Variants in ERCC5 observed in about 807,000 individuals in gnomAD.
The protein encoded by ERCC5 is DNA excision repair protein ERCC-5.
ERCC5 carries 68 observed loss-of-function variants against 105.6 expected under a neutral mutation model. The observed-to-expected ratio is 0.64, with a 90% CI of 0.53 to 0.79. ERCC5 has a LOEUF of 0.79. Among genes scored for constraint, ERCC5 ranks in the 30% least tolerant of loss-of-function variants. The probability of loss-of-function intolerance (pLI) is 0.00; values close to 1 mark genes in which losing one functional copy is unlikely to be tolerated. For missense variants in ERCC5, 1,373 were observed against 1,426.7 expected (o/e 0.96, Z 0.61); for synonymous variants, 546 against 526.2 (o/e 1.04, Z -0.51).
chr13:102,860,577 G>A (rs1323699), intron 6 of ERCC5, among the ~76,000 whole-genome samples: 151,993 of 152,296 alleles, frequency 1, 75,846 homozygotes, highest in Middle Eastern at 1. Context: ...AGAATCAATT[G>A]TAGTAAATTG....
chr13:102,864,806 T>C (rs1160728197), intron 8 of ERCC5: 1 of 152,194 alleles, frequency 6.6e-6, no homozygotes, highest in African/African-American at 2.4e-5. Flanking sequence ...AGTATATTTA[T>C]GTATACATAT....
chr13:102,868,362 A>C, intron 12 of ERCC5, 105 bp downstream of exon 12: 6 of 1,432,206 alleles, frequency 4.2e-6, no homozygotes, highest in Non-Finnish European at 4.9e-6. Flanking sequence ...CATGTGAACA[A>C]TGGTTCACTG....
chr13:102,864,049 A>G (rs1323104484), intron 8 of ERCC5, among the ~76,000 whole-genome samples: 1 of 151,734 alleles, frequency 6.6e-6, no homozygotes, highest in Non-Finnish European at 1.5e-5. Context: ...TATGTTTAGG[A>G]GCAATGACTC....
chr13:102,866,506 G>T lies in ERCC5; in HGVS notation c.2319+125G>T, dbSNP rs1157807903. ...GGCCTGGTGATGCCGTTCCCTGGGG[G>T]TCACTGTGTGTCCCTAACTCTGCAG... is the stretch of plus-strand genomic sequence containing the variant. On this transcript the variant is annotated intron_variant, in intron 10 of 14. Coordinates refer to ENST00000652225, the MANE Select transcript of ERCC5 (RefSeq NM_000123.4). The T allele has an allele frequency of 3.7e-6, 6 of 1,600,612 alleles. No homozygotes were observed. In the East Asian group the frequency reaches 1.3e-4, roughly 36 times the overall value.
At position 102,862,785 on chromosome 13, in the gene ERCC5, C is replaced by G; in HGVS notation, c.1636C>G (p.Gln546Glu). The change falls in exon 8 of 15, where the codon CAG becomes GAG. Residue 546 changes from glutamine (Q) to glutamate (E), a missense_variant. This residue lies in a region of ERCC5 where 1,004 missense variants were observed against 1,059.7 expected (regional missense o/e 0.95). Transcript: ENST00000652225. ...NETHAEVLEQ[Q>E]NELCPYESKF... is the part of the protein sequence containing the mutation. The stretch of plus-strand genomic sequence containing the variant: ...AACACATGCTGAAGTGCTTGAGCAG[C>G]AGAACGAACTTTGCCCATATGAGAG... 1 of 1,614,190 alleles carries G rather than the reference C, an allele frequency of 6.2e-7. No individual in the cohort carries two copies. The highest frequency in any genetic ancestry group is 8.5e-7 in the Non-Finnish European group (1 of 1,180,024).
intron 12 of ERCC5, among the ~76,000 whole-genome samples, chr13:102,870,544 G>T (rs1882998773): frequency 6.6e-6 from 1 of 152,082 alleles, no homozygotes; most frequent in South Asian, 2.1e-4. Context: ...GGCTTGATGA[G>T]CTCACAAGTG....
In ERCC5 at chr13:102,846,072, C is replaced by G; in HGVS notation, c.-195C>G. 3.4e-6 allele frequency: 2 copies of G among 592,786 alleles called. No individual in the cohort carries two copies. Among genetic ancestry groups the G allele is most frequent in the Admixed American group, 3.0e-5 (1 of 33,742 alleles). 36.7% of individuals were successfully genotyped at this position (592,786 alleles called of 1,614,324 possible). ...GACAGCTGCTGAGACGTGTTGCAGC[C>G]AGAGTCTCTCCGCTTTAATGCGCTC... On this transcript the variant is annotated 5_prime_UTR_variant, in exon 1 of 15. Coordinates refer to ENST00000652225, the MANE Select transcript of ERCC5 (RefSeq NM_000123.4).
At position 102,863,071 on chromosome 13, in the gene ERCC5, T is replaced by C. The variant is rs1317558277; in HGVS notation, c.1922T>C (p.Met641Thr). 5.0e-6 allele frequency: 8 copies of C among 1,613,966 alleles called. No homozygotes were observed. Among genetic ancestry groups the C allele is most frequent in the Non-Finnish European group, 6.8e-6 (8 of 1,180,044 alleles). Reference sequence around the variant, plus strand: ...TCCATTCCAAAGGCCGTGGAACCAATGGAAATTGACTCGGAAGAAAGTGAA... The same window carrying C: ...TCCATTCCAAAGGCCGTGGAACCAACGGAAATTGACTCGGAAGAAAGTGAA... ...LISIPKAVEP[M>T]EIDSEESESD... The change falls in exon 8 of 15, where the codon ATG becomes ACG. Residue 641 changes from methionine to threonine, a missense_variant. Around this residue, in one of 3 missense-constraint regions of ERCC5, gnomAD observed 1,004 missense variants for 1,059.7 expected, o/e 0.95. Transcript: ENST00000652225.
At chr13:102,869,867 A>G (rs1195369028) in intron 12 of ERCC5, among the ~76,000 whole-genome samples, 1 of 152,172 alleles carries the variant, frequency 6.6e-6, no homozygotes, top group Non-Finnish European at 1.5e-5. Flanking sequence ...GATTTAGTGA[A>G]TGACCTGTTT....
At chr13:102,855,472 A>G (rs1407074933) in intron 4 of ERCC5, among the ~76,000 whole-genome samples, 1 of 152,098 alleles carries the variant, frequency 6.6e-6, no homozygotes, top group Non-Finnish European at 1.5e-5. Flanking sequence ...GCTGGTCTCG[A>G]ACTCCTGACC....
intron 5 of ERCC5, among the ~76,000 whole-genome samples, chr13:102,858,021 G>A (rs13379027): frequency 2.6e-5 from 4 of 152,150 alleles, no homozygotes; most frequent in East Asian, 1.9e-4. Flanking sequence ...TTAGCACCTA[G>A]AACAGTGCCT....
chr13:102,872,766 G>A (rs1340727636), intron 13 of ERCC5, among the ~76,000 whole-genome samples: 1 of 152,182 alleles, frequency 6.6e-6, no homozygotes, highest in Non-Finnish European at 1.5e-5. Flanking sequence ...TGAATAAGCA[G>A]TGATAAGCAT....
At chr13:102,846,742 TTTTA>T (rs142867755) in intron 1 of ERCC5, among the ~76,000 whole-genome samples, 3,770 of 152,326 alleles carry the variant, frequency 0.025, 166 homozygotes, top group African/African-American at 0.086. Flanking sequence ...TATTGGTATG[TTTTA>T]TTTATTTATT....
At chr13:102,861,973 A>G (rs944962381) in intron 7 of ERCC5, 57 bp from the exon 8 acceptor site, 2 of 1,595,560 alleles carry the variant, frequency 1.3e-6, no homozygotes, top group African/African-American at 2.7e-5. Context: ...ATCTTACTAG[A>G]AGCGTATTGT....
In ERCC5 at chr13:102,852,120, A is replaced by G. The variant is rs1452267228; in HGVS notation, c.91A>G (p.Ile31Val). The G allele has an allele frequency of 6.2e-7, 1 of 1,613,952 alleles. No homozygotes were observed. Among genetic ancestry groups the G allele is most frequent in the East Asian group, 2.2e-5 (1 of 44,866 alleles). Residue 31 changes from isoleucine to valine, a missense_variant and splice_region_variant, in exon 2 of 15, where the codon ATT (isoleucine) becomes GTT (valine). Physicochemically the swap from Ile to Val is conservative, Grantham distance 29. This residue lies in a region of ERCC5 where 1,004 missense variants were observed against 1,059.7 expected (regional missense o/e 0.95). Transcript: ENST00000652225. The stretch of plus-strand genomic sequence containing the variant: ...TTTTCCATTAACAATTCTCCCAGAT[A>G]TTAGCATTTGGTTAAACCAAGCACT... ...ALEGKILAVDISIWLNQALKG... is the reference protein window; with the variant it reads ...ALEGKILAVDVSIWLNQALKG...
chr13:102,851,572 T>G (rs978045010), intron 1 of ERCC5, among the ~76,000 whole-genome samples: 5 of 152,152 alleles, frequency 3.3e-5, no homozygotes, highest in African/African-American at 7.2e-5. Flanking sequence ...GGATTACAGG[T>G]GTGAGCCACC....
rs1882285530 is a variant in ERCC5 at position 102,853,646 on chromosome 13, A to T, written c.265-111A>T. Reference sequence around the variant, plus strand: ...GGCAATTAGGAGGAAATGCTAAAGCAGCCATAGTCTGAAAACTCAGACAAA... The same window carrying T: ...GGCAATTAGGAGGAAATGCTAAAGCTGCCATAGTCTGAAAACTCAGACAAA... On this transcript the variant is annotated intron_variant, in intron 2 of 14. Coordinates refer to ENST00000652225, the MANE Select transcript of ERCC5 (RefSeq NM_000123.4). 2.9e-6 allele frequency: 3 copies of T among 1,048,708 alleles called. No homozygotes were observed. In the East Asian group the frequency reaches 7.8e-5, roughly 27 times the overall value. 65.0% of individuals were successfully genotyped at this position (1,048,708 alleles called of 1,614,324 possible). A position where few individuals can be genotyped will look rare whatever the true frequency, so the allele number is the denominator to read the frequency against.
chr13:102,867,298 A>G (rs1466766190), intron 11 of ERCC5, among the ~76,000 whole-genome samples: 2 of 152,256 alleles, frequency 1.3e-5, no homozygotes, highest in Non-Finnish European at 2.9e-5. Flanking sequence ...CATAAATCAT[A>G]ATTTGACAGT....
chr13:102,850,929 G>T (rs1882177570), intron 1 of ERCC5, among the ~76,000 whole-genome samples: 2 of 152,196 alleles, frequency 1.3e-5, no homozygotes, highest in Admixed American at 1.3e-4. Flanking sequence ...TGTTACAGGA[G>T]CTGGCAAAGA....
Sources: allele counts gnomAD v4.1 joint callset (sites outside exome capture counted in the v4.1 genomes callset), GRCh38; gene constraint gnomAD v4.1.1; regional missense constraint gnomAD v4.1.1; transcripts MANE v1.5; gene names NCBI Gene and HGNC (gene_info 2026-07-23, HGNC 2026-07-21).